Variants in HHLA1 observed in about 807,000 individuals in gnomAD.
The protein encoded by HHLA1 is HERV-H LTR-associating protein 1.
In HHLA1, 72 loss-of-function variants were observed where a neutral mutation model predicts 69.9. The ratio of observed to expected loss-of-function variants is 1.03; its 90% CI spans 0.85 to 1.25. The LOEUF is 1.25. Ranked by LOEUF, HHLA1 falls within the 50% of genes most tolerant of loss-of-function variation. The pLI, the probability that HHLA1 is intolerant of heterozygous loss-of-function variation, is 0.00. For synonymous variants in HHLA1, 252 were observed against 233.2 expected (o/e 1.08, Z -0.73); for missense variants, 685 against 642.2 (o/e 1.07, Z -0.72).
At chr8:132,074,708 T>G (rs1356847717) in intron 14 of HHLA1, among the ~76,000 whole-genome samples, 1 of 152,148 alleles carries the variant, frequency 6.6e-6, no homozygotes, top group Non-Finnish European at 1.5e-5. Context: ...GACAGATGGA[T>G]AGGCAAATAT....
chr8:132,088,394 G>A (rs961639282), intron 8 of HHLA1, among the ~76,000 whole-genome samples: 4 of 152,176 alleles, frequency 2.6e-5, no homozygotes, highest in South Asian at 4.1e-4. Flanking sequence ...TACTACTAAC[G>A]TGTTTGATTA....
intron 10 of HHLA1, among the ~76,000 whole-genome samples, chr8:132,085,147 C>G (rs1003139772): frequency 1.3e-5 from 2 of 152,154 alleles, no homozygotes; most frequent in African/African-American, 2.4e-5. Flanking sequence ...GTCTGACACC[C>G]TTGAAACGTG....
intron 11 of HHLA1, 137 bp downstream of exon 11, chr8:132,079,581 G>T: frequency 2.1e-6 from 2 of 942,274 alleles, no homozygotes; most frequent in Non-Finnish European, 3.1e-6. Flanking sequence ...ATACAGATCT[G>T]TTATTTAAGT....
chr8:132,072,671 C>T (rs940872943), intron 14 of HHLA1, among the ~76,000 whole-genome samples: 3 of 152,072 alleles, frequency 2.0e-5, no homozygotes, highest in African/African-American at 7.2e-5. Flanking sequence ...ACTGAATACC[C>T]TTTTAATGCA....
intron 7 of HHLA1, among the ~76,000 whole-genome samples, chr8:132,093,685 C>A (rs1253183988): frequency 6.6e-6 from 1 of 152,142 alleles, no homozygotes; most frequent in African/African-American, 2.4e-5. Context: ...TATGATTTGA[C>A]TCATGAAATA....
intron 4 of HHLA1, among the ~76,000 whole-genome samples, 189 bp downstream of exon 4, chr8:132,099,886 A>G (rs1164797237): frequency 6.6e-6 from 1 of 152,046 alleles, no homozygotes; most frequent in Non-Finnish European, 1.5e-5. Context: ...ACAACAGTTG[A>G]CAAGATGGAA....
Position 132,100,765 on chromosome 8 carries a change from G to A in HHLA1, c.140-631C>T, listed in dbSNP as rs556038737. On this transcript the variant is annotated intron_variant, in intron 3 of 16. Coordinates refer to ENST00000414222, the MANE Select transcript of HHLA1 (RefSeq NM_001145095.3). The stretch of plus-strand genomic sequence containing the variant: ...AGGAGACTCACATGTCGTGACAAGA[G>A]AGGAGTGTCAACACGGTGTGGGAGC... Among the ~76,000 whole-genome samples the A allele has an allele frequency of 4.6e-5, 7 of 152,332 alleles. No individual in the cohort carries two copies. In the East Asian group the frequency reaches 1.4e-3, roughly 29 times the overall value.
intron 7 of HHLA1, among the ~76,000 whole-genome samples, chr8:132,090,663 G>A (rs1486863886): frequency 6.6e-6 from 1 of 152,104 alleles, no homozygotes; most frequent in Non-Finnish European, 1.5e-5. Flanking sequence ...CTCCTGGAGG[G>A]AGAACACCTA....
At chr8:132,098,853 C>G (rs1396605139) in intron 5 of HHLA1, 29 bp downstream of exon 5, 2 of 1,451,970 alleles carry the variant, frequency 1.4e-6, no homozygotes, top group Admixed American at 4.0e-5. Flanking sequence ...AAAAAATGGA[C>G]CTGGATTGTG....
Position 132,095,805 on chromosome 8 carries a change from TAAAG to T in HHLA1, c.281-23_281-20del, listed in dbSNP as rs1417533295. The T allele has an allele frequency of 6.6e-7, 1 of 1,510,634 alleles. No homozygotes were observed. The highest frequency in any genetic ancestry group is 1.2e-5 in the South Asian group (1 of 81,972). 93.6% of individuals were successfully genotyped at this position (1,510,634 alleles called of 1,614,324 possible). ...TTGCTATCTGCCAAAACATACCAGA[TAAAG>T]AGACAGACAGATGCCTACTAACGTA... On this transcript the variant is annotated intron_variant, in intron 5 of 16. Coordinates refer to ENST00000414222, the MANE Select transcript of HHLA1 (RefSeq NM_001145095.3).
chr8:132,076,172 T>C (rs1823636549), intron 13 of HHLA1, 43 bp from the exon 14 acceptor site: 1 of 1,352,264 alleles, frequency 7.4e-7, no homozygotes, highest in African/African-American at 1.4e-5. Flanking sequence ...AGAATGGAAT[T>C]ACCTTAGGTG....
chr8:132,067,179 C>T (rs1823455555), intron 15 of HHLA1, among the ~76,000 whole-genome samples: 1 of 152,152 alleles, frequency 6.6e-6, no homozygotes, highest in African/African-American at 2.4e-5. Context: ...CTTGTGGAAA[C>T]TGGAACCACA....
At position 132,079,757 on chromosome 8, in the gene HHLA1, C is replaced by T. The variant is rs1823708916; in HGVS notation, c.886G>A (p.Ala296Thr). 1 of 1,551,312 alleles carries T rather than the reference C, an allele frequency of 6.4e-7. No individual in the cohort carries two copies. The highest frequency in any genetic ancestry group is 8.7e-7 in the Non-Finnish European group (1 of 1,146,860). The part of the protein sequence containing the change: ...RPPELPARAT[A>T]TWFSASHTLP... Reference sequence around the variant, plus strand: ...GTGTGGGAGGCACTGAACCATGTGGCTGTGGCCCTGGCTGGAAGCTCAGGA... The same window carrying T: ...GTGTGGGAGGCACTGAACCATGTGGTTGTGGCCCTGGCTGGAAGCTCAGGA... Residue 296 changes from alanine to threonine, a missense_variant, in exon 11 of 17, where the codon GCC becomes ACC. Physicochemically the swap from Ala to Thr is moderately conservative, Grantham distance 58. Transcript: ENST00000414222.
chr8:132,105,410 G>T, intron 1 of HHLA1, 124 bp from the exon 2 acceptor site: 1 of 662,848 alleles, frequency 1.5e-6, no homozygotes. Context: ...GGTTAGGAGA[G>T]GTTAGGAAGC....
chr8:132,087,240 G>T (rs1469959), intron 10 of HHLA1, among the ~76,000 whole-genome samples: 4,845 of 152,290 alleles, frequency 0.032, 269 homozygotes, highest in African/African-American at 0.11. Context: ...CATGAGGGTG[G>T]GGCATGGTTA....
At chr8:132,107,449 T>C (rs1372472452) in intron 1 of HHLA1, among the ~76,000 whole-genome samples, 4 of 152,032 alleles carry the variant, frequency 2.6e-5, no homozygotes, top group Non-Finnish European at 5.9e-5. Flanking sequence ...TACAGGTATG[T>C]GCCATCATGC....
chr8:132,069,434 C>G (rs1823493647), intron 15 of HHLA1, among the ~76,000 whole-genome samples: 1 of 152,126 alleles, frequency 6.6e-6, no homozygotes, highest in South Asian at 2.1e-4. Flanking sequence ...GCCACCTCCC[C>G]TACTCTAGTA....
At chr8:132,087,769 C>T in intron 9 of HHLA1, 30 bp from the exon 10 acceptor site, 1 of 1,545,076 alleles carries the variant, frequency 6.5e-7, no homozygotes, top group Non-Finnish European at 8.8e-7. Flanking sequence ...AGGGTCAGAT[C>T]TTGGGTTTCA....
chr8:132,065,226 C>T lies in HHLA1; in HGVS notation c.1552+660G>A, dbSNP rs540700284. ...ATGAAACATAAATTCTAGTACTTCACGGTGCCTTCTTTTGCATGAATTATT... is the reference window on the plus strand; with the variant it reads ...ATGAAACATAAATTCTAGTACTTCATGGTGCCTTCTTTTGCATGAATTATT... On this transcript the variant is annotated intron_variant, in intron 16 of 16. Coordinates refer to ENST00000414222, the MANE Select transcript of HHLA1 (RefSeq NM_001145095.3). Among the ~76,000 whole-genome samples the T allele has an allele frequency of 4.6e-5, 7 of 152,268 alleles. No individual in the cohort carries two copies. The East Asian group carries it at 1.2e-3, about 25-fold the overall frequency.
Sources: allele counts gnomAD v4.1 joint callset (sites outside exome capture counted in the v4.1 genomes callset), GRCh38; gene constraint gnomAD v4.1.1; transcripts MANE v1.5; gene names NCBI Gene and HGNC (gene_info 2026-07-23, HGNC 2026-07-21).